The following NFATC3 variants were observed in gnomAD, a reference collection of about 807,000 sequenced individuals.
NFATC3 encodes the protein nuclear factor of activated T cells 3, also known as nuclear factor of activated T-cells, cytoplasmic 3.
In NFATC3, 46 loss-of-function variants were observed where a neutral mutation model predicts 98.6. That is an observed-to-expected ratio of 0.47 (90% confidence interval 0.37 to 0.60). The LOEUF (loss-of-function observed/expected upper bound fraction) is 0.60. NFATC3 is among the 20% of genes least tolerant of loss of function. The pLI is 0.00. For synonymous variants in NFATC3, 512 were observed against 472.2 expected (o/e 1.08, Z -1.09); for missense variants, 1,256 against 1,295.5 (o/e 0.97, Z 0.47).
At chr16:68,108,152 C>T (rs1242755360) in intron 1 of NFATC3, among the ~76,000 whole-genome samples, 7 of 152,108 alleles carry the variant, frequency 4.6e-5, no homozygotes, top group Non-Finnish European at 1.0e-4. Flanking sequence ...TTGCCCATGC[C>T]TATGTCCTGA....
chr16:68,094,338 A>G (rs1283997069), intron 1 of NFATC3, among the ~76,000 whole-genome samples: 1 of 152,110 alleles, frequency 6.6e-6, no homozygotes, highest in African/African-American at 2.4e-5. Context: ...CTAAACCTGA[A>G]TGAGGAAAAA....
rs183694480 is a variant in NFATC3, at chr16:68,220,202, G to T, written c.3107-6148G>T. On this transcript the variant is annotated intron_variant, in intron 9 of 9. Coordinates refer to ENST00000346183, the MANE Select transcript of NFATC3 (RefSeq NM_173165.3). The stretch of plus-strand genomic sequence containing the variant: ...TGAGGACTGTTCACTCTTGTTCTAG[G>T]CTTTTAATTCACTTTGCTCTTTAAA... Among the ~76,000 whole-genome samples the T allele has an allele frequency of 7.9e-5, 12 of 152,254 alleles. No individual in the cohort carries two copies. In the East Asian group the frequency reaches 2.1e-3, roughly 27 times the overall value.
At chr16:68,089,863 A>G (rs889986984) in intron 1 of NFATC3, among the ~76,000 whole-genome samples, 1 of 152,136 alleles carries the variant, frequency 6.6e-6, no homozygotes, top group African/African-American at 2.4e-5. Flanking sequence ...TCTAGTCCTG[A>G]ATGAGAGTTA....
At chr16:68,178,815 A>G (rs2039828919) in intron 6 of NFATC3, among the ~76,000 whole-genome samples, 1 of 152,212 alleles carries the variant, frequency 6.6e-6, no homozygotes, top group Non-Finnish European at 1.5e-5. Context: ...AGAGCTTCAC[A>G]TTTAAGAGCT....
At chr16:68,147,959 A>G (rs766046660) in intron 3 of NFATC3, among the ~76,000 whole-genome samples, 14 of 152,202 alleles carry the variant, frequency 9.2e-5, no homozygotes, top group Admixed American at 7.2e-4. Context: ...CACATAAAAT[A>G]TATGCCCAAA....
intron 1 of NFATC3, among the ~76,000 whole-genome samples, chr16:68,107,498 G>A (rs1176817413): frequency 1.3e-5 from 2 of 152,096 alleles, no homozygotes; most frequent in South Asian, 2.1e-4. Flanking sequence ...CGGGGCGGGC[G>A]GATCAGTTGA....
intron 1 of NFATC3, among the ~76,000 whole-genome samples, chr16:68,119,844 G>A (rs1008474952): frequency 6.6e-6 from 1 of 152,068 alleles, no homozygotes; most frequent in Admixed American, 6.6e-5. Flanking sequence ...TTCAGAACAT[G>A]CCTGCTTACA....
intron 1 of NFATC3, among the ~76,000 whole-genome samples, chr16:68,099,164 T>C (rs2035203746): frequency 6.6e-6 from 1 of 152,238 alleles, no homozygotes; most frequent in African/African-American, 2.4e-5. Flanking sequence ...CCAGGCGTGG[T>C]GGCTCACGCC....
At position 68,167,424 on chromosome 16, in the gene NFATC3, T is replaced by C. The variant is rs117979000; in HGVS notation, c.1774+409T>C. Among the ~76,000 whole-genome samples, 28 of 152,326 alleles carry C rather than the reference T, an allele frequency of 1.8e-4. No homozygotes were observed. The East Asian group carries it at 4.4e-3, about 24-fold the overall frequency. On this transcript the variant is annotated intron_variant, in intron 5 of 9. Transcript: ENST00000346183. ...TACTTACTTCTGTAAGCTGATACTT[T>C]AGCTAAATAAGACTTAACAGAGCTT...
At chr16:68,088,023 A>C (rs987348951) in intron 1 of NFATC3, among the ~76,000 whole-genome samples, 1 of 152,172 alleles carries the variant, frequency 6.6e-6, no homozygotes, top group Non-Finnish European at 1.5e-5. Flanking sequence ...TTTCAGAATT[A>C]CTTGTTCACA....
chr16:68,155,777 TTTTTATACTAAATGTCCATTA>T (rs763096007), intron 3 of NFATC3, among the ~76,000 whole-genome samples: 12 of 152,224 alleles, frequency 7.9e-5, no homozygotes, highest in Admixed American at 2.0e-4. Context: ...CTCTAGACTT[TTTTTATACTAAATGTCCATTA>T]AAACAATAAA....
At chr16:68,134,392 G>A (rs1223310862) in intron 3 of NFATC3, among the ~76,000 whole-genome samples, 2 of 152,044 alleles carry the variant, frequency 1.3e-5, no homozygotes, top group African/African-American at 4.8e-5. Context: ...TCTGCCACTT[G>A]CTTGTTTTCT....
intron 9 of NFATC3, among the ~76,000 whole-genome samples, chr16:68,209,040 G>A (rs1640354661): frequency 6.6e-6 from 1 of 152,180 alleles, no homozygotes; most frequent in Admixed American, 6.5e-5. Flanking sequence ...AGTAGAAGTG[G>A]TGAAAGAGTG....
chr16:68,112,882 G>C (rs2036058219), intron 1 of NFATC3, among the ~76,000 whole-genome samples: 2 of 151,712 alleles, frequency 1.3e-5, no homozygotes, highest in African/African-American at 4.8e-5. Flanking sequence ...CTGTTCAGCT[G>C]TTGATACTTG....
intron 1 of NFATC3, chr16:68,088,936 T>G: frequency 4.1e-6 from 4 of 982,278 alleles, no homozygotes; most frequent in Non-Finnish European, 4.8e-6. Flanking sequence ...ATGCTGGGAT[T>G]ACAGGTGTGA....
intron 5 of NFATC3, among the ~76,000 whole-genome samples, chr16:68,168,566 A>C (rs997395713): frequency 1.3e-5 from 2 of 149,694 alleles, no homozygotes; most frequent in East Asian, 3.9e-4. Context: ...GCTCACTGCA[A>C]CCTCCACCTC....
intron 1 of NFATC3, among the ~76,000 whole-genome samples, chr16:68,109,984 A>G (rs1404329678): frequency 6.6e-6 from 1 of 151,794 alleles, no homozygotes; most frequent in East Asian, 1.9e-4. Context: ...AGCCTAGCCA[A>G]GCTCCTGGAT....
At chr16:68,164,543 C>T (rs1325313284) in intron 4 of NFATC3, among the ~76,000 whole-genome samples, 1 of 152,146 alleles carries the variant, frequency 6.6e-6, no homozygotes, top group East Asian at 1.9e-4. Context: ...TTTGCAGCTC[C>T]TCTGTTTTTT....
intron 5 of NFATC3, among the ~76,000 whole-genome samples, chr16:68,170,177 C>T (rs936152575): frequency 7.9e-5 from 12 of 151,836 alleles, no homozygotes; most frequent in South Asian, 6.2e-4. Context: ...CAGATCACGA[C>T]GTCAAGAGAT....
Sources: gnomAD v4.1 joint callset for allele counts (sites outside exome capture counted in the v4.1 genomes callset) on GRCh38, gnomAD v4.1.1 for gene constraint, MANE v1.5 for transcripts, NCBI Gene and HGNC (gene_info 2026-07-23, HGNC 2026-07-21) for gene names.